Variants in FHIT observed in about 807,000 individuals in gnomAD.
FHIT encodes fragile histidine triad diadenosine triphosphatase, also known as bis(5'-adenosyl)-triphosphatase.
FHIT carries 19 observed loss-of-function variants against 17.9 expected under a neutral mutation model. That is an observed-to-expected ratio of 1.06 (90% confidence interval 0.74 to 1.56). FHIT has a LOEUF of 1.56. FHIT is among the 40% of genes most tolerant of loss of function. FHIT has a pLI of 0.00. For missense variants in FHIT, 248 were observed against 189.2 expected, an observed-to-expected ratio of 1.31 and a Z score of -1.82; for synonymous variants, 81 against 69.7, an observed-to-expected ratio of 1.16 and a Z score of -0.81.
At chr3:60,496,163 A>G (rs1559492208) in intron 5 of FHIT, among the ~76,000 whole-genome samples, 1 of 152,164 alleles carries the variant, frequency 6.6e-6, no homozygotes. Context: ...ACATTTTAGT[A>G]TCAAAGGCAC....
chr3:60,465,432 G>T (rs1210292701), intron 5 of FHIT, among the ~76,000 whole-genome samples: 1 of 152,082 alleles, frequency 6.6e-6, no homozygotes, highest in Non-Finnish European at 1.5e-5. Context: ...GGTTAACTGT[G>T]TTTGTAGGGT....
chr3:60,256,862 C>G (rs1449099058), intron 5 of FHIT, among the ~76,000 whole-genome samples: 2 of 152,154 alleles, frequency 1.3e-5, no homozygotes, highest in African/African-American at 4.8e-5. Flanking sequence ...TATTCAGCTC[C>G]CATCATGTTC....
chr3:60,292,377 GT>G (rs11292764), intron 5 of FHIT, among the ~76,000 whole-genome samples: 93,324 of 151,900 alleles, frequency 0.61, 30,280 homozygotes, highest in East Asian at 0.97. Context: ...TCCTCAACAC[GT>G]TGGGAGTTCC....
chr3:59,917,047 C>A (rs1967997), intron 8 of FHIT, among the ~76,000 whole-genome samples: 1 of 152,202 alleles, frequency 6.6e-6, no homozygotes, highest in African/African-American at 2.4e-5. Context: ...TTGTCAAATG[C>A]CGTGTGAAAG....
intron 8 of FHIT, among the ~76,000 whole-genome samples, chr3:59,868,877 T>C (rs1702780913): frequency 6.6e-6 from 1 of 152,164 alleles, no homozygotes; most frequent in Admixed American, 6.5e-5. Flanking sequence ...TGTTCATATA[T>C]AAAATCCCAG....
At chr3:60,132,093 T>C (rs1400371654) in intron 5 of FHIT, among the ~76,000 whole-genome samples, 1 of 152,166 alleles carries the variant, frequency 6.6e-6, no homozygotes, top group Non-Finnish European at 1.5e-5. Context: ...GACCTTCACA[T>C]CTTTCAGGCT....
intron 8 of FHIT, among the ~76,000 whole-genome samples, chr3:59,855,212 C>G (rs1021593780): frequency 3.9e-5 from 6 of 152,162 alleles, no homozygotes; most frequent in Non-Finnish European, 7.3e-5. Context: ...CCTGATATTA[C>G]TTGGTAAGTT....
chr3:60,192,270 T>C (rs1302500729), intron 5 of FHIT, among the ~76,000 whole-genome samples: 8 of 128,580 alleles, frequency 6.2e-5, no homozygotes, highest in Non-Finnish European at 1.2e-4. Flanking sequence ...AAAAAAAAAG[T>C]TAAAGGATAG....
At chr3:60,178,053 T>A (rs775219643) in intron 5 of FHIT, among the ~76,000 whole-genome samples, 7 of 152,210 alleles carry the variant, frequency 4.6e-5, no homozygotes, top group Non-Finnish European at 7.3e-5. Context: ...GAATTTAACG[T>A]TAATATGAAG....
At chr3:60,689,263 G>A (rs531374844) in intron 4 of FHIT, among the ~76,000 whole-genome samples, 1 of 152,174 alleles carries the variant, frequency 6.6e-6, no homozygotes, top group South Asian at 2.1e-4. Context: ...GTCTTTGTTT[G>A]TGAATTGCCC....
At chr3:60,799,941 C>G (rs1016160938) in intron 4 of FHIT, among the ~76,000 whole-genome samples, 3 of 152,162 alleles carry the variant, frequency 2.0e-5, no homozygotes, top group Non-Finnish European at 2.9e-5. Flanking sequence ...GCCTGGAAAT[C>G]ATACATACTC....
At chr3:60,926,467 C>T (rs1352904464) in intron 3 of FHIT, among the ~76,000 whole-genome samples, 7 of 152,052 alleles carry the variant, frequency 4.6e-5, no homozygotes, top group African/African-American at 1.7e-4. Flanking sequence ...CTGGGTACGT[C>T]GCGAAATGAA....
At chr3:60,663,467 C>T (rs2040309885) in intron 4 of FHIT, among the ~76,000 whole-genome samples, 1 of 151,778 alleles carries the variant, frequency 6.6e-6, no homozygotes, top group Non-Finnish European at 1.5e-5. Flanking sequence ...CGGAATTTCA[C>T]TCTTGTTGCC....
chr3:60,117,457 T>G (rs1429512661), intron 5 of FHIT, among the ~76,000 whole-genome samples: 6 of 132,840 alleles, frequency 4.5e-5, no homozygotes, highest in African/African-American at 1.8e-4. Context: ...ATGTCAATAT[T>G]AAATCCAGAC....
chr3:60,044,019 A>C (rs535665568), intron 5 of FHIT, among the ~76,000 whole-genome samples: 3 of 152,294 alleles, frequency 2.0e-5, no homozygotes, highest in African/African-American at 7.2e-5. Flanking sequence ...CTTATCCAAA[A>C]TCCAATACTT....
At chr3:61,133,930 T>C (rs1251223462) in intron 2 of FHIT, among the ~76,000 whole-genome samples, 1 of 151,930 alleles carries the variant, frequency 6.6e-6, no homozygotes, top group Non-Finnish European at 1.5e-5. Context: ...CTACTAAAAG[T>C]ACAAAAATTT....
intron 5 of FHIT, among the ~76,000 whole-genome samples, chr3:60,424,006 A>G (rs1471518211): frequency 6.6e-6 from 1 of 152,186 alleles, no homozygotes; most frequent in African/African-American, 2.4e-5. Context: ...TAATTGTACT[A>G]CAGTAACTAT....
chr3:60,169,128 T>C (rs1701308959), intron 5 of FHIT, among the ~76,000 whole-genome samples: 1 of 152,240 alleles, frequency 6.6e-6, no homozygotes, highest in Admixed American at 6.5e-5. Context: ...CTAGAAAGAC[T>C]GCTCAAAATT....
chr3:59,891,629 G>A (rs73839584), intron 8 of FHIT, among the ~76,000 whole-genome samples: 4,756 of 152,256 alleles, frequency 0.031, 241 homozygotes, highest in African/African-American at 0.11. Flanking sequence ...CCTTGCTGAC[G>A]GTAGGTCTGG....
Sources: allele counts gnomAD v4.1 joint callset (sites outside exome capture counted in the v4.1 genomes callset), GRCh38; gene constraint gnomAD v4.1.1; transcripts MANE v1.5; gene names NCBI Gene and HGNC (gene_info 2026-07-23, HGNC 2026-07-21).